The following SORCS2 variants were observed in gnomAD, a reference collection of about 807,000 sequenced individuals.
The protein encoded by SORCS2 is sortilin related VPS10 domain containing receptor 2.
In SORCS2, 100 loss-of-function variants were observed where a neutral mutation model predicts 141.6. The observed-to-expected ratio is 0.71, with a 90% CI of 0.60 to 0.83. SORCS2 has a LOEUF of 0.83. Among genes scored for constraint, SORCS2 ranks in the 40% least tolerant of loss-of-function variants. SORCS2 has a pLI of 0.00. For synonymous variants in SORCS2, 789 were observed against 676.9 expected, an observed-to-expected ratio of 1.17 and a Z score of -2.57; for missense variants, 1,646 against 1,560.2, an observed-to-expected ratio of 1.05 and a Z score of -0.93.
intron 1 of SORCS2, among the ~76,000 whole-genome samples, chr4:7,313,526 G>T (rs1718341027): frequency 6.6e-6 from 1 of 152,166 alleles, no homozygotes; most frequent in Non-Finnish European, 1.5e-5. Context: ...GGTGTTCCAG[G>T]CACGGGGAGG....
Position 7,332,878 on chromosome 4 carries a change from C to T in SORCS2, c.481-63410C>T, listed in dbSNP as rs74629488. Among the ~76,000 whole-genome samples, 188 of 152,318 alleles carry T rather than the reference C, an allele frequency of 1.2e-3. No homozygotes were observed. The East Asian group carries it at 0.015, about 12-fold the overall frequency. On this transcript the variant is annotated intron_variant, in intron 1 of 26. Coordinates refer to ENST00000507866, the MANE Select transcript of SORCS2 (RefSeq NM_020777.3). The stretch of plus-strand genomic sequence containing the variant: ...GTGGACTCTGCCACCCCCAGGCTTA[C>T]GTCCCAGCTCAGCCTTTTACCAGAT...
chr4:7,535,477 G>A (rs1311257356), intron 3 of SORCS2, among the ~76,000 whole-genome samples: 1 of 152,212 alleles, frequency 6.6e-6, no homozygotes, highest in Non-Finnish European at 1.5e-5. Flanking sequence ...GAGACCTTGA[G>A]CAAGTGTGAA....
At chr4:7,306,216 C>T (rs1034496063) in intron 1 of SORCS2, among the ~76,000 whole-genome samples, 1 of 152,182 alleles carries the variant, frequency 6.6e-6, no homozygotes, top group East Asian at 1.9e-4. Flanking sequence ...ACACCTAAGC[C>T]CGGGCTCCCC....
intron 1 of SORCS2, among the ~76,000 whole-genome samples, chr4:7,388,636 A>AAT (rs1172097176): frequency 6.6e-6 from 1 of 152,038 alleles, no homozygotes; most frequent in Non-Finnish European, 1.5e-5. Context: ...AGCAGAGGTG[A>AAT]ATACAGATTG....
intron 1 of SORCS2, among the ~76,000 whole-genome samples, chr4:7,230,022 A>G (rs1711728981): frequency 8.6e-6 from 1 of 115,946 alleles, no homozygotes; most frequent in Non-Finnish European, 1.7e-5. Flanking sequence ...TCATGTGCTC[A>G]TGTATGAAGG....
In SORCS2 at chr4:7,729,557, C is replaced by T. The variant is rs369870314; in HGVS notation, c.2983-30C>T. On this transcript the variant is annotated intron_variant, in intron 22 of 26. Coordinates refer to ENST00000507866, the MANE Select transcript of SORCS2 (RefSeq NM_020777.3). Reference sequence around the variant, plus strand: ...TGAGGCAGGGAATGAGGAAGACAGGCGGACCAAAGTGGCTTAACTCTCCCC... The same window carrying T: ...TGAGGCAGGGAATGAGGAAGACAGGTGGACCAAAGTGGCTTAACTCTCCCC... 71 of 1,559,884 alleles carry T rather than the reference C, an allele frequency of 4.6e-5. No homozygotes were observed. The African/African-American group carries it at 5.3e-4, about 12-fold the overall frequency.
At chr4:7,416,447 C>T (rs1725673946) in intron 2 of SORCS2, among the ~76,000 whole-genome samples, 2 of 152,314 alleles carry the variant, frequency 1.3e-5, no homozygotes, top group East Asian at 1.9e-4. Flanking sequence ...CTCCCACTCC[C>T]ACTGATGCCC....
intron 1 of SORCS2, among the ~76,000 whole-genome samples, chr4:7,223,963 G>T (rs1728860621): frequency 6.6e-6 from 1 of 152,252 alleles, no homozygotes; most frequent in Non-Finnish European, 1.5e-5. Context: ...CAGGCACAGA[G>T]TAGGAACTCA....
intron 2 of SORCS2, among the ~76,000 whole-genome samples, chr4:7,488,566 A>G (rs1026898381): frequency 2.0e-5 from 3 of 152,176 alleles, no homozygotes; most frequent in Non-Finnish European, 2.9e-5. Flanking sequence ...CATCCTCCAC[A>G]GCGACTTTCC....
At chr4:7,469,360 T>C (rs1263750551) in intron 2 of SORCS2, among the ~76,000 whole-genome samples, 1 of 152,172 alleles carries the variant, frequency 6.6e-6, no homozygotes, top group Non-Finnish European at 1.5e-5. Flanking sequence ...TCACAAAAGT[T>C]CTTTCTCCCC....
At position 7,703,303 on chromosome 4, in the gene SORCS2, C is replaced by A. The variant is rs769945579; in HGVS notation, c.1692C>A (p.Ile564=). The A allele has an allele frequency of 2.5e-6, 4 of 1,613,138 alleles. No homozygotes were observed. The South Asian group carries it at 4.4e-5, about 18-fold the overall frequency. Residue 564 remains isoleucine (I), a synonymous_variant, in exon 13 of 27, where the codon ATC becomes ATA. Coordinates refer to ENST00000507866, the MANE Select transcript of SORCS2 (RefSeq NM_020777.3). The part of the protein sequence containing the change: ...WRQVFEEEHH[I]LYLDHGGVIV... ...AGGTGTTTGAGGAAGAGCATCACAT[C>A]CTGTACCTGGACCACGGCGGCGTGA... is the stretch of plus-strand genomic sequence containing the variant.
At chr4:7,565,631 G>T (rs1714918620) in intron 3 of SORCS2, among the ~76,000 whole-genome samples, 1 of 149,226 alleles carries the variant, frequency 6.7e-6, no homozygotes, top group South Asian at 2.1e-4. Context: ...GATAATGATG[G>T]TGATGATGGT....
intron 1 of SORCS2, among the ~76,000 whole-genome samples, chr4:7,259,290 C>T (rs574572032): frequency 4.6e-5 from 7 of 152,204 alleles, no homozygotes; most frequent in Admixed American, 2.0e-4. Flanking sequence ...ATTTTACAGA[C>T]GTGGAAGCTG....
At chr4:7,274,645 C>T (rs577451476) in intron 1 of SORCS2, among the ~76,000 whole-genome samples, 1 of 152,186 alleles carries the variant, frequency 6.6e-6, no homozygotes, top group Non-Finnish European at 1.5e-5. Context: ...CAATCAGCTC[C>T]CACCAGGCCC....
At chr4:7,434,394 C>A (rs1205558713) in intron 2 of SORCS2, 67 of 1,607,454 alleles carry the variant, frequency 4.2e-5, no homozygotes, top group Non-Finnish European at 5.5e-5. Flanking sequence ...TGAACGGAGC[C>A]ACAGCCTCAA....
chr4:7,226,272 A>G (rs1025955193), intron 1 of SORCS2, among the ~76,000 whole-genome samples: 2 of 151,954 alleles, frequency 1.3e-5, no homozygotes, highest in African/African-American at 4.8e-5. Context: ...AGGCTTGGAG[A>G]GGTATGCAGC....
intron 3 of SORCS2, among the ~76,000 whole-genome samples, chr4:7,556,780 C>A (rs560368212): frequency 6.6e-6 from 1 of 151,184 alleles, no homozygotes; most frequent in Non-Finnish European, 1.5e-5. Context: ...CACCACCTAC[C>A]CACCCACACA....
chr4:7,256,309 A>T lies in SORCS2; in HGVS notation c.480+63183A>T, dbSNP rs544297574. Among the ~76,000 whole-genome samples, 25 of 152,264 alleles carry T rather than the reference A, an allele frequency of 1.6e-4. No homozygotes were observed. In the East Asian group the frequency reaches 4.1e-3, roughly 25 times the overall value. On this transcript the variant is annotated intron_variant, in intron 1 of 26. Transcript: ENST00000507866. ...GGGAGTGGCATTTCCAGATCTTTTG[A>T]TTATTCTAGAGAATCTGGAAGTCTG...
chr4:7,330,543 G>T (rs1425100718), intron 1 of SORCS2, among the ~76,000 whole-genome samples: 2 of 151,556 alleles, frequency 1.3e-5, no homozygotes, highest in Non-Finnish European at 2.9e-5. Context: ...GCTTGTGGCT[G>T]GGGCGAGTCC....
Sources: gnomAD v4.1 joint callset for allele counts (sites outside exome capture counted in the v4.1 genomes callset) on GRCh38, gnomAD v4.1.1 for gene constraint, MANE v1.5 for transcripts, NCBI Gene and HGNC (gene_info 2026-07-23, HGNC 2026-07-21) for gene names.